Variants in LRRD1 observed in about 807,000 individuals in gnomAD.
The protein encoded by LRRD1 is leucine-rich repeat and death domain-containing protein 1.
Under a neutral mutation model 69.5 loss-of-function variants are expected in LRRD1, and 49 were observed. The ratio of observed to expected loss-of-function variants is 0.70; its 90% CI spans 0.56 to 0.89. The LOEUF (loss-of-function observed/expected upper bound fraction) is 0.89, where lower values mean the gene tolerates loss of function less well. Among genes scored for constraint, LRRD1 ranks in the 40% least tolerant of loss-of-function variants. The probability of loss-of-function intolerance (pLI) is 0.00; values close to 1 mark genes in which losing one functional copy is unlikely to be tolerated. For synonymous variants in LRRD1, 303 were observed against 338.9 expected, an observed-to-expected ratio of 0.89 and a Z score of 1.16; for missense variants, 853 against 956.0, an observed-to-expected ratio of 0.89 and a Z score of 1.42.
Position 92,164,320 on chromosome 7 carries a change from ATGT to A in LRRD1, c.880_882del (p.Thr294del). 1 of 1,551,040 alleles carries A rather than the reference ATGT, an allele frequency of 6.4e-7. No individual in the cohort carries two copies. The highest frequency in any genetic ancestry group is 1.2e-5 in the South Asian group (1 of 84,034). On this transcript the variant is annotated inframe_deletion, in exon 2 of 6. Coordinates refer to ENST00000458448, the MANE Select transcript of LRRD1 (RefSeq NM_001161528.2). Reference sequence around the variant, plus strand: ...GGAAGGAAGCAGAGAGCTTTAGGAAATGTTGTTAACTGATTATATTCCAAATTG... The same window carrying A: ...GGAAGGAAGCAGAGAGCTTTAGGAAATGTTAACTGATTATATTCCAAATTG...
downstream of LRRD1, among the ~76,000 whole-genome samples, chr7:92,143,622 CG>C (rs1402538841): frequency 6.6e-6 from 1 of 152,140 alleles, no homozygotes; most frequent in Non-Finnish European, 1.5e-5. Context: ...GCTCCGAGTG[CG>C]GGGCCGCCGA....
At chr7:92,147,772 C>A (rs1467325516) in intron 4 of LRRD1, among the ~76,000 whole-genome samples, 1 of 151,732 alleles carries the variant, frequency 6.6e-6, no homozygotes, top group Non-Finnish European at 1.5e-5. Context: ...CACTCTGTTG[C>A]TCAGACTGGA....
At chr7:92,155,776 G>A (rs547995068) in intron 3 of LRRD1, among the ~76,000 whole-genome samples, 39 of 152,296 alleles carry the variant, frequency 2.6e-4, no homozygotes, top group South Asian at 8.3e-4. Flanking sequence ...GTGGCCAAAG[G>A]CCCAAAGGCC....
chr7:92,164,776 T>G lies in LRRD1; in HGVS notation c.427A>C (p.Asn143His). 6.4e-7 allele frequency: 1 copy of G among 1,551,554 alleles called. No individual in the cohort carries two copies. Among genetic ancestry groups the G allele is most frequent in the Non-Finnish European group, 8.7e-7 (1 of 1,146,912 alleles). Residue 143 changes from asparagine to histidine, a missense_variant, in exon 2 of 6, where the codon AAC (asparagine) becomes CAC (histidine). Physicochemically the swap from Asn to His is moderately conservative, Grantham distance 68. This residue lies in a region of LRRD1 where 739 missense variants were observed against 808.0 expected (regional missense o/e 0.91). Transcript: ENST00000458448. ...TTGGCCTCAAGGTTAACTGTAAAGT[T>G]ATCTGCCCCTAGGCCAAGTTGTTTC... is the stretch of plus-strand genomic sequence containing the variant. The part of the protein sequence containing the change: ...NQKQLGLGAD[N>H]FTVNLEAKGL...
At position 92,145,920 on chromosome 7, in the gene LRRD1, A is replaced by T. The variant is rs566978804; in HGVS notation, c.2396+163T>A. Among the ~76,000 whole-genome samples, 9 of 152,344 alleles carry T rather than the reference A, an allele frequency of 5.9e-5. No homozygotes were observed. The South Asian group carries it at 1.9e-3, about 32-fold the overall frequency. On this transcript the variant is annotated intron_variant, in intron 5 of 5. Transcript: ENST00000458448. ...TAGCCTTTGTTCTTTATTATGTTAT[A>T]TGGCCTTCCAACATGGATCACAAAC...
intron 1 of LRRD1, among the ~76,000 whole-genome samples, chr7:92,169,016 T>C (rs1788988737): frequency 6.6e-6 from 1 of 152,184 alleles, no homozygotes; most frequent in Non-Finnish European, 1.5e-5. Context: ...CCTCCTGGGT[T>C]CAAGCAATTC....
rs75289840 is a variant in LRRD1 at position 92,156,611 on chromosome 7, T to C, written c.2116+2394A>G. On this transcript the variant is annotated intron_variant, in intron 3 of 5. Coordinates refer to ENST00000458448, the MANE Select transcript of LRRD1 (RefSeq NM_001161528.2). ...ATCATTTCTTGCTAGTCTGTAGACA[T>C]ATGATTGATTTTTGTATATTAACTC... is the stretch of plus-strand genomic sequence containing the variant. Among the ~76,000 whole-genome samples, 55 of 152,376 alleles carry C rather than the reference T, an allele frequency of 3.6e-4. No homozygotes were observed. The East Asian group carries it at 9.6e-3, about 27-fold the overall frequency.
intron 3 of LRRD1, among the ~76,000 whole-genome samples, chr7:92,154,058 G>A (rs541043773): frequency 2.5e-4 from 38 of 151,866 alleles, no homozygotes; most frequent in African/African-American, 7.2e-4. Context: ...GGCTGGTCTC[G>A]AACTCCTGAC....
chr7:92,170,414 C>A (rs1789029727), intron 1 of LRRD1, among the ~76,000 whole-genome samples: 1 of 152,016 alleles, frequency 6.6e-6, no homozygotes, highest in African/African-American at 2.4e-5. Flanking sequence ...AGATTCAACC[C>A]AAATAAGGCT....
rs1378201074 is a variant in LRRD1, at chr7:92,164,031, A to G, written c.1172T>C (p.Ile391Thr). ...GCATTCCAACATTGCACAGCAAGAT[A>G]TTTTCTCTGGTATATTTTTCAATAA... ...KNLLKNIPEK[I>T]SCCAMLECLS... Residue 391 changes from isoleucine (I) to threonine (T), a missense_variant, in exon 2 of 6, where the codon ATA (isoleucine) becomes ACA (threonine). By Grantham distance (89) the Ile-to-Thr change is moderately conservative (BLOSUM62 -1). Around this residue, in one of 3 missense-constraint regions of LRRD1, gnomAD observed 739 missense variants for 808.0 expected, o/e 0.91. Coordinates refer to ENST00000458448, the MANE Select transcript of LRRD1 (RefSeq NM_001161528.2). The G allele has an allele frequency of 6.5e-7, 1 of 1,540,096 alleles. No individual in the cohort carries two copies. Among genetic ancestry groups the G allele is most frequent in the Admixed American group, 2.1e-5 (1 of 48,436 alleles).
intron 3 of LRRD1, among the ~76,000 whole-genome samples, chr7:92,157,033 T>TC (rs1788673528): frequency 3.0e-5 from 2 of 65,786 alleles, no homozygotes; most frequent in East Asian, 5.7e-4. Context: ...TATTTGCTTT[T>TC]TTTTTTTTTT....
chr7:92,156,916 A>AT (rs1449381668), intron 3 of LRRD1, among the ~76,000 whole-genome samples: 1 of 149,558 alleles, frequency 6.7e-6, no homozygotes, highest in South Asian at 2.1e-4. Context: ...TTGCAGATGT[A>AT]TTTTTTCAAG....
In LRRD1 at chr7:92,164,720, T is replaced by A. The variant is rs1468840101; in HGVS notation, c.483A>T (p.Leu161Phe). Residue 161 changes from leucine (L) to phenylalanine (F), a missense_variant, in exon 2 of 6, where the codon TTA (leucine) becomes TTT (phenylalanine). Physicochemically the swap from Leu to Phe is conservative, Grantham distance 22. Around this residue, in one of 3 missense-constraint regions of LRRD1, gnomAD observed 739 missense variants for 808.0 expected, o/e 0.91. Coordinates refer to ENST00000458448, the MANE Select transcript of LRRD1 (RefSeq NM_001161528.2). ...KGLQEFPKDI[L>F]KIKYVKYLYL... The stretch of plus-strand genomic sequence containing the variant: ...ATAGATATTTTACATATTTGATTTT[T>A]AAAATGTCCTTAGGAAATTCCTGTA... The A allele has an allele frequency of 1.3e-6, 2 of 1,550,802 alleles. No individual in the cohort carries two copies. The highest frequency in any genetic ancestry group is 4.9e-5 in the East Asian group (2 of 40,876).
intron 2 of LRRD1, 71 bp from the exon 3 acceptor site, chr7:92,159,274 A>T: frequency 2.0e-6 from 2 of 1,016,102 alleles, no homozygotes; most frequent in Non-Finnish European, 2.7e-6. Flanking sequence ...CTTCTTCTAA[A>T]ATCAAATGAA....
intron 1 of LRRD1, among the ~76,000 whole-genome samples, chr7:92,174,507 ATATTTT>A (rs1563195867): frequency 1.2e-3 from 20 of 16,642 alleles, no homozygotes; most frequent in Admixed American, 5.6e-3. Flanking sequence ...ATATATATAT[ATATTTT>A]TTTTTTTTTT....
intron 3 of LRRD1, among the ~76,000 whole-genome samples, chr7:92,155,151 G>T (rs1427331341): frequency 6.6e-6 from 1 of 152,070 alleles, no homozygotes; most frequent in African/African-American, 2.4e-5. Context: ...GCACTTTAAG[G>T]CTTCTCTATG....
At chr7:92,167,952 A>G (rs550003046) in intron 1 of LRRD1, among the ~76,000 whole-genome samples, 1 of 149,122 alleles carries the variant, frequency 6.7e-6, no homozygotes, top group Admixed American at 6.7e-5. Flanking sequence ...GCTTGATAAG[A>G]TTTGATTAAA....
chr7:92,165,635 G>A (rs375027977), intron 1 of LRRD1, among the ~76,000 whole-genome samples: 19 of 152,040 alleles, frequency 1.2e-4, no homozygotes, highest in Middle Eastern at 3.4e-3. Flanking sequence ...CCGAAGGGGC[G>A]GATCACTTTA....
intron 1 of LRRD1, among the ~76,000 whole-genome samples, chr7:92,165,905 A>G (rs1219282763): frequency 6.6e-6 from 1 of 151,180 alleles, no homozygotes; most frequent in East Asian, 2.0e-4. Flanking sequence ...AGGGAGAGCC[A>G]GTGGCCTACC....
Sources: gnomAD v4.1 joint callset for allele counts (sites outside exome capture counted in the v4.1 genomes callset) on GRCh38, gnomAD v4.1.1 for gene constraint, gnomAD v4.1.1 regional missense constraint, MANE v1.5 for transcripts, NCBI Gene and HGNC (gene_info 2026-07-23, HGNC 2026-07-21) for gene names.